LRRC2: variants seen among roughly 807,000 people sequenced by gnomAD.
The protein encoded by LRRC2 is leucine-rich repeat-containing protein 2.
LRRC2 carries 27 observed loss-of-function variants against 40.2 expected under a neutral mutation model. The observed-to-expected ratio is 0.67, with a 90% confidence interval of 0.49 to 0.93. The LOEUF (loss-of-function observed/expected upper bound fraction) is 0.93, where lower values mean the gene tolerates loss of function less well. Among genes scored for constraint, LRRC2 ranks in the 40% least tolerant of loss-of-function variants. The pLI, the probability that LRRC2 is intolerant of heterozygous loss-of-function variation, is 0.00. For synonymous variants in LRRC2, 147 were observed against 158.9 expected, an observed-to-expected ratio of 0.92 and a Z score of 0.56; for missense variants, 402 against 439.6, an observed-to-expected ratio of 0.91 and a Z score of 0.76.
At chr3:46,542,727 GA>G (rs1429824646) in intron 3 of LRRC2, among the ~76,000 whole-genome samples, 1 of 152,154 alleles carries the variant, frequency 6.6e-6, no homozygotes, top group Non-Finnish European at 1.5e-5. Flanking sequence ...TAGTAAAAAT[GA>G]AAAATTCTAT....
chr3:46,553,882 A>G (rs1193969271), intron 1 of LRRC2, among the ~76,000 whole-genome samples: 3 of 152,244 alleles, frequency 2.0e-5, no homozygotes, highest in Non-Finnish European at 4.4e-5. Flanking sequence ...AGCTGAAAAT[A>G]TGAACGTATA....
chr3:46,519,786 A>G (rs1193728490), intron 8 of LRRC2, among the ~76,000 whole-genome samples: 4 of 152,228 alleles, frequency 2.6e-5, no homozygotes, highest in African/African-American at 7.2e-5. Context: ...TTGTGGGCAG[A>G]TTAAATCTAC....
intron 3 of LRRC2, among the ~76,000 whole-genome samples, chr3:46,540,365 A>T (rs1202792040): frequency 1.3e-5 from 2 of 152,096 alleles, no homozygotes; most frequent in Non-Finnish European, 2.9e-5. Flanking sequence ...TCTCTACTAA[A>T]AATACAAAAA....
chr3:46,532,383 T>C (rs1197693730), intron 5 of LRRC2, among the ~76,000 whole-genome samples: 1 of 152,158 alleles, frequency 6.6e-6, no homozygotes, highest in East Asian at 1.9e-4. Flanking sequence ...GGCAGGTGGA[T>C]CACCTGAAGT....
At chr3:46,542,169 C>A (rs1704408656) in intron 3 of LRRC2, among the ~76,000 whole-genome samples, 1 of 151,978 alleles carries the variant, frequency 6.6e-6, no homozygotes. Flanking sequence ...AATGTCCCAA[C>A]ATGCAAGATA....
Position 46,515,895 on chromosome 3 carries a change from CTATT to C in LRRC2, c.*3115_*3118del, listed in dbSNP as rs1476087232. On this transcript the variant is annotated 3_prime_UTR_variant, in exon 9 of 9. Transcript: ENST00000395905. ...TAGTGTTAAAAAGAAAAAAATGTAACTATTTAAGATTCAACGAAGGTGATTTCTC... is the reference window on the plus strand; with the variant it reads ...TAGTGTTAAAAAGAAAAAAATGTAACTAAGATTCAACGAAGGTGATTTCTC... 6.7e-6 allele frequency: 1 copy of C among 149,126 alleles called. No homozygotes were observed. Among genetic ancestry groups the C allele is most frequent in the African/African-American group, 2.5e-5 (1 of 40,252 alleles). The allele number at this position is 149,126 out of a possible 1,614,324, so 9.2% of individuals were successfully genotyped here.
chr3:46,546,364 G>T (rs1382932828), intron 2 of LRRC2, among the ~76,000 whole-genome samples: 1 of 152,226 alleles, frequency 6.6e-6, no homozygotes, highest in Non-Finnish European at 1.5e-5. Context: ...GTTAGGAGGG[G>T]TCTGAAGGTT....
Position 46,539,208 on chromosome 3 carries a change from T to C in LRRC2, c.334-7A>G, listed in dbSNP as rs1575352074. ...TCAATGAATCTGGGAGCTCCTAAAA[T>C]AGAAAGAATGACATCAATCAGAACT... is the stretch of plus-strand genomic sequence containing the variant. On this transcript the variant is annotated splice_polypyrimidine_tract_variant and splice_region_variant and intron_variant, in intron 3 of 8. Coordinates refer to ENST00000395905, the MANE Select transcript of LRRC2 (RefSeq NM_024512.5). 6.2e-7 allele frequency: 1 copy of C among 1,613,138 alleles called. No homozygotes were observed. The highest frequency in any genetic ancestry group is 2.2e-5 in the East Asian group (1 of 44,868).
intron 3 of LRRC2, among the ~76,000 whole-genome samples, chr3:46,543,472 C>T (rs1704442570): frequency 1.3e-5 from 2 of 151,846 alleles, no homozygotes; most frequent in African/African-American, 4.8e-5. Context: ...AAAATTTAGC[C>T]GGGTATGGTG....
intron 1 of LRRC2, among the ~76,000 whole-genome samples, chr3:46,557,227 G>A (rs1476032013): frequency 6.6e-6 from 1 of 152,128 alleles, no homozygotes; most frequent in African/African-American, 2.4e-5. Context: ...CTTAAGTGAT[G>A]ACATTACCTT....
intron 2 of LRRC2, among the ~76,000 whole-genome samples, chr3:46,549,573 A>G (rs1294564228): frequency 6.6e-6 from 1 of 152,212 alleles, no homozygotes; most frequent in African/African-American, 2.4e-5. Context: ...AAGATGAGAC[A>G]GTGCACAAGC....
At chr3:46,547,669 A>G (rs575301806) in intron 2 of LRRC2, among the ~76,000 whole-genome samples, 2 of 120,260 alleles carry the variant, frequency 1.7e-5, no homozygotes, top group African/African-American at 6.1e-5. Flanking sequence ...AAATTACAAG[A>G]AAAAAAAAAA....
intron 4 of LRRC2, among the ~76,000 whole-genome samples, chr3:46,534,870 T>C (rs1704243191): frequency 6.6e-6 from 1 of 152,170 alleles, no homozygotes; most frequent in South Asian, 2.1e-4. Context: ...CTGCTCAACA[T>C]AAAAGAGCTA....
At chr3:46,548,314 TTTTC>T (rs1704572657) in intron 2 of LRRC2, among the ~76,000 whole-genome samples, 1 of 152,234 alleles carries the variant, frequency 6.6e-6, no homozygotes, top group African/African-American at 2.4e-5. Flanking sequence ...TGTTGTCTTA[TTTTC>T]TTTATGTCTT....
intron 4 of LRRC2, among the ~76,000 whole-genome samples, chr3:46,534,115 TC>T (rs774355765): frequency 2.2e-4 from 33 of 151,996 alleles, no homozygotes; most frequent in Non-Finnish European, 4.0e-4. Flanking sequence ...TGTGTGATGT[TC>T]CCTCCCTGTG....
chr3:46,522,029 G>A (rs994196083), intron 7 of LRRC2, among the ~76,000 whole-genome samples: 7 of 152,074 alleles, frequency 4.6e-5, no homozygotes, highest in Admixed American at 3.3e-4. Context: ...TTAAAATGAC[G>A]TGTCCAAATT....
At chr3:46,543,639 AT>A (rs1157599817) in intron 3 of LRRC2, among the ~76,000 whole-genome samples, 30 of 93,402 alleles carry the variant, frequency 3.2e-4, no homozygotes, top group Middle Eastern at 0.013. Context: ...AATAATAATA[AT>A]AATAATAATA....
rs148736368 is a variant in LRRC2 at position 46,518,004 on chromosome 3, C to T, written c.*1010G>A. 6.6e-6 allele frequency: 1 copy of T among 152,350 alleles called. No homozygotes were observed. Among genetic ancestry groups the T allele is most frequent in the African/African-American group, 2.4e-5 (1 of 41,558 alleles). 9.4% of individuals were successfully genotyped at this position (152,350 alleles called of 1,614,324 possible). A position where few individuals can be genotyped will look rare whatever the true frequency, so the allele number is the denominator to read the frequency against. On this transcript the variant is annotated 3_prime_UTR_variant, in exon 9 of 9. Coordinates refer to ENST00000395905, the MANE Select transcript of LRRC2 (RefSeq NM_024512.5). The stretch of plus-strand genomic sequence containing the variant: ...TCTTTACTGAGGTGTGTCCCAGGAC[C>T]CCCAGGGTGACCACTCAGGACTGGA...
At position 46,545,046 on chromosome 3, in the gene LRRC2, C is replaced by T. The variant is rs747681721; in HGVS notation, c.333G>A (p.Thr111=). ...FVFELSGEHW[T]ELPDSLKEQT... is the part of the protein sequence containing the mutation. ...TTGGGCGAGAACTGCCTCGACTCAC[C>T]GTCCAGTGCTCCCCAGAAAGTTCAA... Residue 111 remains threonine, a splice_region_variant and synonymous_variant, in exon 3 of 9, where the codon ACG becomes ACA. Coordinates refer to ENST00000395905, the MANE Select transcript of LRRC2 (RefSeq NM_024512.5). 1.2e-5 allele frequency: 19 copies of T among 1,612,110 alleles called. No individual in the cohort carries two copies. The highest frequency in any genetic ancestry group is 2.7e-5 in the African/African-American group (2 of 74,868).
Sources: allele counts gnomAD v4.1 joint callset (sites outside exome capture counted in the v4.1 genomes callset), GRCh38; gene constraint gnomAD v4.1.1; transcripts MANE v1.5; gene names NCBI Gene and HGNC (gene_info 2026-07-23, HGNC 2026-07-21).